The following NLGN4Y variants were observed in gnomAD, a reference collection of about 807,000 sequenced individuals.
The protein encoded by NLGN4Y is neuroligin 4 Y-linked.
Under a neutral mutation model 8.4 loss-of-function variants are expected in NLGN4Y, and 4 were observed. That is an observed-to-expected ratio of 0.48 (90% CI 0.23 to 1.09). NLGN4Y has a LOEUF of 1.09. Among genes scored for constraint, NLGN4Y ranks in the 50% least tolerant of loss-of-function variants. NLGN4Y has a pLI of 0.19. For missense variants in NLGN4Y, 90 were observed against 192.3 expected (o/e 0.47, Z 3.15); for synonymous variants, 35 against 75.6 (o/e 0.46, Z 2.78).
intron 1 of NLGN4Y, among the ~76,000 whole-genome samples, chrY:14,533,514 A>C (rs2080120989): frequency 3.0e-5 from 1 of 33,519 alleles, no homozygotes. Context: ...AACATCACTC[A>C]TACTATTGAG....
chrY:14,756,325 C>G, intron 4 of NLGN4Y, among the ~76,000 whole-genome samples: 1 of 33,557 alleles, frequency 3.0e-5, no homozygotes, highest in African/African-American at 1.2e-4. Context: ...TTATCCACTT[C>G]TTGAACAATT....
At chrY:14,784,524 T>G (rs2042954455) in intron 4 of NLGN4Y, among the ~76,000 whole-genome samples, 4 of 31,591 alleles carry the variant, frequency 1.3e-4, no homozygotes, top group Admixed American at 2.9e-4. Context: ...GCCGGGCGTG[T>G]TGGCGGGCGC....
chrY:14,738,407 G>A, intron 4 of NLGN4Y, among the ~76,000 whole-genome samples: 2 of 32,630 alleles, frequency 6.1e-5, no homozygotes, highest in Admixed American at 5.7e-4. Context: ...TGATCTTTTG[G>A]GATATCATTG....
chrY:14,528,830 GAAATGATCT>G (rs2080101616), intron 1 of NLGN4Y, among the ~76,000 whole-genome samples: 1 of 33,703 alleles, frequency 3.0e-5, no homozygotes, highest in Non-Finnish European at 7.4e-5. Flanking sequence ...TATTGCTAAT[GAAATGATCT>G]AGGCTTTCAC....
chrY:14,770,403 C>A (rs2081103958), intron 4 of NLGN4Y, among the ~76,000 whole-genome samples: 2 of 32,965 alleles, frequency 6.1e-5, no homozygotes, highest in Non-Finnish European at 1.5e-4. Flanking sequence ...GTGATACCCA[C>A]GCAAACAGGG....
intron 1 of NLGN4Y, among the ~76,000 whole-genome samples, chrY:14,604,090 C>T (rs2080438214): frequency 3.1e-5 from 1 of 32,651 alleles, no homozygotes; most frequent in East Asian, 8.1e-4. Flanking sequence ...TTGGAGCTGC[C>T]GAGATGTTGA....
At chrY:14,786,886 A>G in intron 4 of NLGN4Y, among the ~76,000 whole-genome samples, 1 of 32,263 alleles carries the variant, frequency 3.1e-5, no homozygotes, top group Non-Finnish European at 7.6e-5. Flanking sequence ...AGTTTAGAGT[A>G]GTACATTAAT....
chrY:14,639,393 G>A (rs934010475), intron 2 of NLGN4Y: 1 of 149,113 alleles, frequency 6.7e-6, no homozygotes, highest in Admixed American at 1.0e-4. Context: ...TATTATTAGG[G>A]CAGGTTATGA....
At chrY:14,717,813 T>TA (rs2080921310) in intron 2 of NLGN4Y, among the ~76,000 whole-genome samples, 1 of 33,447 alleles carries the variant, frequency 3.0e-5, no homozygotes, top group Non-Finnish European at 7.4e-5. Flanking sequence ...CAGCCCTAGA[T>TA]ATGTATGCAA....
At chrY:14,709,422 T>C (rs2080893069) in intron 2 of NLGN4Y, among the ~76,000 whole-genome samples, 1 of 33,380 alleles carries the variant, frequency 3.0e-5, no homozygotes, top group South Asian at 6.7e-4. Flanking sequence ...TAGAGACAAA[T>C]AGACCAGGAG....
At chrY:14,566,550 T>G (rs1603499855) in intron 1 of NLGN4Y, among the ~76,000 whole-genome samples, 2 of 33,304 alleles carry the variant, frequency 6.0e-5, no homozygotes, top group Admixed American at 5.5e-4. Context: ...CAAAGAGACT[T>G]GCACTCCCAC....
intron 2 of NLGN4Y, among the ~76,000 whole-genome samples, chrY:14,658,005 A>G (rs2080660499): frequency 6.0e-5 from 2 of 33,230 alleles, no homozygotes; most frequent in South Asian, 1.3e-3. Flanking sequence ...AAAAATCCTC[A>G]TTTTTACTTT....
At chrY:14,529,239 C>T (rs2080102885) in intron 1 of NLGN4Y, among the ~76,000 whole-genome samples, 2 of 31,443 alleles carry the variant, frequency 6.4e-5, no homozygotes, top group South Asian at 7.4e-4. Flanking sequence ...TGAAACGTAG[C>T]CTGTCAATAA....
intron 4 of NLGN4Y, among the ~76,000 whole-genome samples, chrY:14,726,679 A>C: frequency 3.0e-5 from 1 of 33,479 alleles, no homozygotes. Flanking sequence ...GCCTTTTATA[A>C]TTTTTCCAGA....
intron 4 of NLGN4Y, among the ~76,000 whole-genome samples, chrY:14,815,937 G>A (rs2043100331): frequency 3.0e-5 from 1 of 33,520 alleles, no homozygotes; most frequent in African/African-American, 1.2e-4. Flanking sequence ...GCCCAGGATA[G>A]TGCCCTATTC....
At chrY:14,724,375 C>A in intron 4 of NLGN4Y, among the ~76,000 whole-genome samples, 1 of 32,292 alleles carries the variant, frequency 3.1e-5, no homozygotes, top group Admixed American at 2.8e-4. Context: ...ATCCTGTAAT[C>A]TTCATGTATT....
intron 1 of NLGN4Y, among the ~76,000 whole-genome samples, chrY:14,594,644 G>A: frequency 3.0e-5 from 1 of 33,097 alleles, no homozygotes; most frequent in Non-Finnish European, 7.4e-5. Context: ...GATGGATTGG[G>A]TAATAAACAT....
chrY:14,552,720 A>G (rs545000254), intron 1 of NLGN4Y, among the ~76,000 whole-genome samples: 9 of 33,761 alleles, frequency 2.7e-4, no homozygotes, highest in African/African-American at 1.0e-3. Context: ...GAAAAAATTC[A>G]ATACTCCTTC....
intron 4 of NLGN4Y, among the ~76,000 whole-genome samples, chrY:14,738,080 C>T (rs961598851): frequency 6.2e-5 from 2 of 32,170 alleles, no homozygotes; most frequent in Admixed American, 2.9e-4. Flanking sequence ...CTTTTGCTTG[C>T]TTGGCGTATG....
Sources: gnomAD v4.1 joint callset for allele counts (sites outside exome capture counted in the v4.1 genomes callset) on GRCh38, gnomAD v4.1.1 for gene constraint, MANE v1.5 for transcripts, NCBI Gene and HGNC (gene_info 2026-07-23, HGNC 2026-07-21) for gene names.